The following STK39 variants were observed in gnomAD, a reference collection of about 807,000 sequenced individuals.
STK39 encodes the protein STE20/SPS1-related proline-alanine-rich protein kinase.
Under a neutral mutation model 77.8 loss-of-function variants are expected in STK39, and 20 were observed. The ratio of observed to expected loss-of-function variants is 0.26; its 90% CI spans 0.18 to 0.37. The LOEUF is 0.37. STK39 is among the 10% of genes least tolerant of loss of function. STK39 has a pLI of 1.00. For missense variants in STK39, 479 were observed against 656.5 expected, an observed-to-expected ratio of 0.73 and a Z score of 2.95; for synonymous variants, 246 against 234.1, an observed-to-expected ratio of 1.05 and a Z score of -0.47.
intron 1 of STK39, among the ~76,000 whole-genome samples, chr2:168,215,150 T>C (rs1225292265): frequency 1.3e-5 from 2 of 152,168 alleles, no homozygotes; most frequent in Admixed American, 1.3e-4. Flanking sequence ...AAAGCCCTTT[T>C]CTGAAATAAG....
intron 16 of STK39, among the ~76,000 whole-genome samples, chr2:167,969,691 C>T (rs1224800790): frequency 6.6e-6 from 1 of 152,200 alleles, no homozygotes; most frequent in African/African-American, 2.4e-5. Context: ...TCCGCTGCTG[C>T]TCCCCAAGTG....
intron 14 of STK39, among the ~76,000 whole-genome samples, chr2:168,039,684 G>A (rs1685054118): frequency 6.6e-6 from 1 of 151,964 alleles, no homozygotes; most frequent in South Asian, 2.1e-4. Flanking sequence ...AGGGACACAA[G>A]GAAACTTCTC....
intron 12 of STK39, among the ~76,000 whole-genome samples, chr2:168,067,398 C>T (rs1488570726): frequency 6.6e-6 from 1 of 152,106 alleles, no homozygotes; most frequent in Non-Finnish European, 1.5e-5. Context: ...CACCTCCTTC[C>T]CACTCTCTCT....
At chr2:168,070,487 G>A (rs2105396529) in intron 12 of STK39, among the ~76,000 whole-genome samples, 1 of 149,246 alleles carries the variant, frequency 6.7e-6, no homozygotes, top group East Asian at 2.0e-4. Context: ...GGGTACATGT[G>A]CACAACGTGC....
intron 10 of STK39, among the ~76,000 whole-genome samples, chr2:168,110,859 TG>T (rs1687104039): frequency 6.6e-6 from 1 of 152,190 alleles, no homozygotes; most frequent in Non-Finnish European, 1.5e-5. Context: ...TCAATCAATT[TG>T]GGGATAAATG....
chr2:168,106,359 G>A (rs142669263), intron 10 of STK39, among the ~76,000 whole-genome samples: 13 of 152,234 alleles, frequency 8.5e-5, no homozygotes, highest in African/African-American at 2.4e-4. Flanking sequence ...AGCACTTGGC[G>A]CAATCTTTGA....
chr2:168,225,451 T>C (rs1196215400), intron 1 of STK39, among the ~76,000 whole-genome samples: 1 of 152,108 alleles, frequency 6.6e-6, no homozygotes, highest in African/African-American at 2.4e-5. Context: ...CACCATTACA[T>C]AAACAGGATG....
intron 5 of STK39, among the ~76,000 whole-genome samples, chr2:168,141,585 A>G (rs1448906568): frequency 2.0e-5 from 3 of 152,252 alleles, no homozygotes; most frequent in African/African-American, 7.2e-5. Flanking sequence ...AGTGGTTAAA[A>G]GTAGTTGATA....
At chr2:168,139,247 T>C (rs1324253634) in intron 7 of STK39, among the ~76,000 whole-genome samples, 2 of 151,984 alleles carry the variant, frequency 1.3e-5, no homozygotes, top group East Asian at 3.9e-4. Flanking sequence ...AAAGAAAAAC[T>C]GAATAAAAGA....
chr2:168,159,723 G>A (rs757279529), intron 5 of STK39, among the ~76,000 whole-genome samples: 6 of 152,140 alleles, frequency 3.9e-5, no homozygotes, highest in Non-Finnish European at 7.3e-5. Flanking sequence ...CCATACATCT[G>A]GGAAATGGCC....
At chr2:168,136,378 AAAAAAG>A (rs202161013) in intron 8 of STK39, among the ~76,000 whole-genome samples, 29,018 of 147,720 alleles carry the variant, frequency 0.2, 3,234 homozygotes, top group African/African-American at 0.32. Flanking sequence ...AAAAAAAAAA[AAAAAAG>A]AAAAGAAATA....
intron 16 of STK39, among the ~76,000 whole-genome samples, chr2:167,974,415 C>T (rs1683217971): frequency 2.0e-5 from 3 of 151,958 alleles, no homozygotes; most frequent in Admixed American, 2.0e-4. Context: ...GCCCCTGAAG[C>T]ATCTAAAAGA....
At chr2:168,106,109 C>T (rs1172422659) in intron 10 of STK39, among the ~76,000 whole-genome samples, 6 of 152,298 alleles carry the variant, frequency 3.9e-5, no homozygotes, top group East Asian at 1.9e-4. Flanking sequence ...ACTACAGATG[C>T]GCACCACCAT....
At chr2:168,004,552 G>A (rs1290099201) in intron 16 of STK39, among the ~76,000 whole-genome samples, 7 of 151,816 alleles carry the variant, frequency 4.6e-5, no homozygotes, top group Non-Finnish European at 8.8e-5. Context: ...GTAACAGGGC[G>A]AAACCCCGTC....
chr2:168,095,858 C>T (rs1686653317), intron 10 of STK39, among the ~76,000 whole-genome samples: 2 of 152,014 alleles, frequency 1.3e-5, no homozygotes, highest in Non-Finnish European at 2.9e-5. Context: ...GACGACTATG[C>T]TTTGCTTTTC....
intron 10 of STK39, among the ~76,000 whole-genome samples, chr2:168,081,602 T>C (rs1686232761): frequency 6.6e-6 from 1 of 152,166 alleles, no homozygotes; most frequent in Non-Finnish European, 1.5e-5. Context: ...CTGACTCATT[T>C]CAGAAGGCAT....
Position 168,194,069 on chromosome 2 carries a change from T to C in STK39, c.209-11979A>G, listed in dbSNP as rs570257235. On this transcript the variant is annotated intron_variant, in intron 1 of 17. Transcript: ENST00000355999. Reference sequence around the variant, plus strand: ...CCTGCAAGCATCCAGAAGGAGCAGATCCACTCCAAAGAATAATAATTCAGA... The same window carrying C: ...CCTGCAAGCATCCAGAAGGAGCAGACCCACTCCAAAGAATAATAATTCAGA... 5.4e-4 allele frequency among the ~76,000 whole-genome samples: 82 copies of C among 152,258 alleles called. 1 individual carries two copies. The highest frequency in any genetic ancestry group is 1.7e-3 in the African/African-American group (72 of 41,544).
At chr2:168,184,654 T>C (rs1429746886) in intron 1 of STK39, among the ~76,000 whole-genome samples, 2 of 152,162 alleles carry the variant, frequency 1.3e-5, no homozygotes, top group Non-Finnish European at 2.9e-5. Flanking sequence ...TACCATTCTG[T>C]GCACCAGGTT....
chr2:168,050,817 A>G (rs1006180145), intron 14 of STK39, among the ~76,000 whole-genome samples: 2 of 152,254 alleles, frequency 1.3e-5, no homozygotes, highest in African/African-American at 4.8e-5. Context: ...TAGCAGTGAT[A>G]GAAAACTAAT....
Sources: allele counts gnomAD v4.1 joint callset (sites outside exome capture counted in the v4.1 genomes callset), GRCh38; gene constraint gnomAD v4.1.1; transcripts MANE v1.5; gene names NCBI Gene and HGNC (gene_info 2026-07-23, HGNC 2026-07-21).